The following KCNJ3 variants were observed in gnomAD, a reference collection of about 807,000 sequenced individuals.
KCNJ3 encodes potassium inwardly rectifying channel subfamily J member 3.
A neutral mutation model predicts 39.2 loss-of-function variants in KCNJ3; 4 were observed. The ratio of observed to expected loss-of-function variants is 0.10; its 90% CI spans 0.05 to 0.23. The LOEUF (loss-of-function observed/expected upper bound fraction) is 0.23. Ranked by LOEUF, KCNJ3 falls within the 10% of genes least tolerant of loss-of-function variation. The probability of loss-of-function intolerance (pLI) is 1.00; values close to 1 mark genes in which losing one functional copy is unlikely to be tolerated. For synonymous variants in KCNJ3, 230 were observed against 237.4 expected, an observed-to-expected ratio of 0.97 and a Z score of 0.29; for missense variants, 276 against 634.9, an observed-to-expected ratio of 0.43 and a Z score of 6.08.
chr2:154,776,427 T>G (rs1339020322), intron 2 of KCNJ3, among the ~76,000 whole-genome samples: 1 of 152,282 alleles, frequency 6.6e-6, no homozygotes, highest in Admixed American at 6.5e-5. Flanking sequence ...TTGTTCATTA[T>G]TGGCCATCAC....
At chr2:154,828,476 A>C (rs1195678138) in intron 2 of KCNJ3, among the ~76,000 whole-genome samples, 1 of 152,176 alleles carries the variant, frequency 6.6e-6, no homozygotes, top group Admixed American at 6.5e-5. Flanking sequence ...AATGGAGCAC[A>C]AGTGTTGGAA....
chr2:154,744,044 T>C (rs948281672), intron 2 of KCNJ3, among the ~76,000 whole-genome samples: 3 of 151,710 alleles, frequency 2.0e-5, no homozygotes, highest in Non-Finnish European at 1.5e-5. Flanking sequence ...TTATTATGAA[T>C]GGATATTGAA....
At chr2:154,724,328 C>CATT (rs1553454930) in intron 2 of KCNJ3, among the ~76,000 whole-genome samples, 1 of 151,872 alleles carries the variant, frequency 6.6e-6, no homozygotes, top group Non-Finnish European at 1.5e-5. Context: ...AAAATATAAT[C>CATT]ATTATTATTA....
intron 2 of KCNJ3, among the ~76,000 whole-genome samples, chr2:154,791,366 C>G (rs1381421413): frequency 6.6e-6 from 1 of 152,028 alleles, no homozygotes; most frequent in Non-Finnish European, 1.5e-5. Flanking sequence ...TTTCCTTAAG[C>G]CTTCTGAGTC....
chr2:154,776,151 A>AC (rs1686330985), intron 2 of KCNJ3, among the ~76,000 whole-genome samples: 1 of 151,450 alleles, frequency 6.6e-6, no homozygotes. Context: ...ACAGGCACAC[A>AC]CCCCCACGCC....
chr2:154,774,676 A>G (rs918987358), intron 2 of KCNJ3, among the ~76,000 whole-genome samples: 8 of 152,142 alleles, frequency 5.3e-5, no homozygotes, highest in Non-Finnish European at 7.4e-5. Flanking sequence ...TAATACATGG[A>G]AAAAAACCTT....
chr2:154,734,540 A>G (rs575754163), intron 2 of KCNJ3, among the ~76,000 whole-genome samples: 17 of 152,308 alleles, frequency 1.1e-4, no homozygotes, highest in Admixed American at 8.5e-4. Flanking sequence ...GTGTCCTATA[A>G]AGAAACCAGC....
chr2:154,839,278 A>G (rs1201303903), intron 2 of KCNJ3, among the ~76,000 whole-genome samples: 2 of 152,266 alleles, frequency 1.3e-5, no homozygotes, highest in Admixed American at 1.3e-4. Context: ...ATATGAACTC[A>G]TCCTTTTTTA....
At chr2:154,703,014 C>T (rs898263938) in intron 1 of KCNJ3, among the ~76,000 whole-genome samples, 1 of 151,816 alleles carries the variant, frequency 6.6e-6, no homozygotes, top group East Asian at 1.9e-4. Flanking sequence ...AATGTTGAAC[C>T]CTATAGTTTA....
intron 2 of KCNJ3, among the ~76,000 whole-genome samples, chr2:154,735,402 C>T (rs760079245): frequency 6.6e-6 from 1 of 152,076 alleles, no homozygotes; most frequent in Non-Finnish European, 1.5e-5. Context: ...GCGTGAGCCA[C>T]GGAGCCCGGC....
chr2:154,834,448 TA>T (rs1687414196), intron 2 of KCNJ3, among the ~76,000 whole-genome samples: 1 of 152,084 alleles, frequency 6.6e-6, no homozygotes, highest in Non-Finnish European at 1.5e-5. Context: ...ATAAATCAGT[TA>T]GGCCGGGCAC....
chr2:154,707,253 G>T (rs1032656236), intron 1 of KCNJ3, among the ~76,000 whole-genome samples: 2 of 151,790 alleles, frequency 1.3e-5, no homozygotes, highest in Admixed American at 6.6e-5. Flanking sequence ...GGAGGGTGGG[G>T]TAGGGTAATT....
chr2:154,825,308 G>C (rs1687250397), intron 2 of KCNJ3, among the ~76,000 whole-genome samples: 1 of 152,142 alleles, frequency 6.6e-6, no homozygotes, highest in Non-Finnish European at 1.5e-5. Flanking sequence ...AAACTTTGCT[G>C]AAGTGTTGTA....
intron 2 of KCNJ3, among the ~76,000 whole-genome samples, chr2:154,773,135 A>C (rs960675576): frequency 6.6e-6 from 1 of 152,138 alleles, no homozygotes; most frequent in African/African-American, 2.4e-5. Context: ...GTAATTGGGG[A>C]AAAATAGCAC....
chr2:154,704,416 C>T (rs1162190444), intron 1 of KCNJ3, among the ~76,000 whole-genome samples: 2 of 152,096 alleles, frequency 1.3e-5, no homozygotes, highest in Non-Finnish European at 2.9e-5. Context: ...AGTTATAAAG[C>T]CGCTCTTTCA....
At chr2:154,795,890 G>A (rs922164598) in intron 2 of KCNJ3, among the ~76,000 whole-genome samples, 25 of 152,038 alleles carry the variant, frequency 1.6e-4, no homozygotes, top group Admixed American at 7.2e-4. Context: ...GGATTTTGAC[G>A]AGTTGGATTT....
intron 2 of KCNJ3, among the ~76,000 whole-genome samples, chr2:154,724,609 A>C (rs1364028077): frequency 1.3e-5 from 2 of 151,814 alleles, no homozygotes; most frequent in African/African-American, 4.8e-5. Flanking sequence ...ACATATTTCA[A>C]TTCCTGGAAC....
At chr2:154,829,800 CTTAT>C (rs1476040872) in intron 2 of KCNJ3, among the ~76,000 whole-genome samples, 1 of 152,070 alleles carries the variant, frequency 6.6e-6, no homozygotes, top group East Asian at 1.9e-4. Context: ...TAATAACATT[CTTAT>C]TATCAATTAA....
intron 2 of KCNJ3, among the ~76,000 whole-genome samples, chr2:154,745,485 T>C (rs2105177676): frequency 6.6e-6 from 1 of 152,182 alleles, no homozygotes; most frequent in African/African-American, 2.4e-5. Context: ...TTCTCTGTCC[T>C]TGGTAATTTT....
Sources: allele counts gnomAD v4.1 joint callset (sites outside exome capture counted in the v4.1 genomes callset), GRCh38; gene constraint gnomAD v4.1.1; transcripts MANE v1.5; gene names NCBI Gene and HGNC (gene_info 2026-07-23, HGNC 2026-07-21).